Variants in APBA2 observed in about 807,000 individuals in gnomAD.
APBA2 encodes amyloid beta precursor protein binding family A member 2.
Under a neutral mutation model 75.0 loss-of-function variants are expected in APBA2, and 30 were observed. The ratio of observed to expected loss-of-function variants is 0.40; its 90% CI spans 0.30 to 0.54. APBA2 has a LOEUF of 0.54. Ranked by LOEUF, APBA2 falls within the 20% of genes least tolerant of loss-of-function variation. The pLI is 0.49. For synonymous variants in APBA2, 444 were observed against 409.6 expected (o/e 1.08, Z -1.01); for missense variants, 801 against 1,016.1 (o/e 0.79, Z 2.88).
chr15:28,900,612 C>T (rs752539300), intron 1 of APBA2, among the ~76,000 whole-genome samples: 1 of 152,138 alleles, frequency 6.6e-6, no homozygotes, highest in African/African-American at 2.4e-5. Context: ...TTGCTGTGCC[C>T]TTTGTTGCTG....
chr15:29,089,941 T>C (rs1256611132), intron 6 of APBA2, among the ~76,000 whole-genome samples: 1 of 152,132 alleles, frequency 6.6e-6, no homozygotes, highest in African/African-American at 2.4e-5. Flanking sequence ...TACCCAAACA[T>C]GTAGGGCTAG....
intron 14 of APBA2, among the ~76,000 whole-genome samples, chr15:29,115,424 G>A (rs2045035157): frequency 6.6e-6 from 1 of 152,078 alleles, no homozygotes; most frequent in Non-Finnish European, 1.5e-5. Context: ...GGGGCCAGGC[G>A]GACACCAGCC....
Position 29,084,363 on chromosome 15 carries a change from C to G in APBA2, c.1069+8272C>G, listed in dbSNP as rs887449378. On this transcript the variant is annotated intron_variant, in intron 6 of 14. Transcript: ENST00000683413. ...TAAAAATAACACCTTTTTGAAAGAT[C>G]TATGCTTTTAATTTTGTCATAAAAA... Among the ~76,000 whole-genome samples the G allele has an allele frequency of 4.6e-5, 7 of 152,204 alleles. No homozygotes were observed. In the East Asian group the frequency reaches 1.4e-3, roughly 29 times the overall value.
chr15:29,015,108 T>C (rs2039594297), intron 3 of APBA2, among the ~76,000 whole-genome samples: 1 of 152,178 alleles, frequency 6.6e-6, no homozygotes, highest in Non-Finnish European at 1.5e-5. Flanking sequence ...GCTTTCTGTC[T>C]TGCTGATGTT....
intron 4 of APBA2, among the ~76,000 whole-genome samples, chr15:29,074,488 G>T (rs969607921): frequency 1.3e-5 from 2 of 152,186 alleles, no homozygotes; most frequent in Non-Finnish European, 2.9e-5. Flanking sequence ...GGTTGGCAGG[G>T]GCTCAGGTTG....
At chr15:28,952,400 C>T (rs75792935) in intron 2 of APBA2, among the ~76,000 whole-genome samples, 3,863 of 151,984 alleles carry the variant, frequency 0.025, 157 homozygotes, top group African/African-American at 0.089. Context: ...GGTGTGGTGA[C>T]GCGCACCAGT....
chr15:29,089,747 C>T (rs1302043797), intron 6 of APBA2, among the ~76,000 whole-genome samples: 1 of 152,174 alleles, frequency 6.6e-6, no homozygotes, highest in East Asian at 1.9e-4. Context: ...TATTCTTCTC[C>T]AGACTGTGCA....
intron 6 of APBA2, among the ~76,000 whole-genome samples, chr15:29,089,056 CCCTT>C (rs1283314055): frequency 6.6e-6 from 1 of 152,222 alleles, no homozygotes; most frequent in Non-Finnish European, 1.5e-5. Context: ...GCCTCCCTGT[CCCTT>C]CCTTCCCAGG....
intron 3 of APBA2, among the ~76,000 whole-genome samples, chr15:29,024,818 G>A (rs2040133968): frequency 6.6e-6 from 1 of 152,162 alleles, no homozygotes; most frequent in Admixed American, 6.5e-5. Context: ...CTAGAGGGTA[G>A]GGGCTGCATG....
chr15:29,105,172 G>A (rs1035239006), intron 10 of APBA2, among the ~76,000 whole-genome samples: 47 of 152,340 alleles, frequency 3.1e-4, no homozygotes, highest in African/African-American at 9.9e-4. Context: ...ACTGGGGTTC[G>A]CTCACGGTGG....
intron 4 of APBA2, among the ~76,000 whole-genome samples, chr15:29,073,412 G>A (rs905663261): frequency 6.6e-6 from 1 of 152,138 alleles, no homozygotes; most frequent in Non-Finnish European, 1.5e-5. Flanking sequence ...GTGCAATGGC[G>A]CCATCTCAGC....
chr15:29,080,275 A>C (rs1401230363), intron 6 of APBA2, among the ~76,000 whole-genome samples: 1 of 152,222 alleles, frequency 6.6e-6, no homozygotes, highest in African/African-American at 2.4e-5. Flanking sequence ...TGGCAGAGTT[A>C]GGATTCGAAC....
rs371381363 is a variant in APBA2 at position 29,113,845 on chromosome 15, C to T, written c.2038-31C>T. The T allele has an allele frequency of 3.8e-6, 6 of 1,586,154 alleles. No individual in the cohort carries two copies. In the African/African-American group the frequency reaches 5.4e-5, roughly 14 times the overall value. On this transcript the variant is annotated intron_variant, in intron 13 of 14. Transcript: ENST00000683413. Reference sequence around the variant, plus strand: ...GAGCGCCTGTCGGGTGTGGCGGGAACACGTGTGCTGACCTGGCCATGTCTG... The same window carrying T: ...GAGCGCCTGTCGGGTGTGGCGGGAATACGTGTGCTGACCTGGCCATGTCTG...
At chr15:28,929,394 C>T (rs546763234) in intron 2 of APBA2, among the ~76,000 whole-genome samples, 2 of 152,260 alleles carry the variant, frequency 1.3e-5, no homozygotes, top group Admixed American at 1.3e-4. Context: ...AGTGAATTTG[C>T]GACACACATG....
intron 2 of APBA2, among the ~76,000 whole-genome samples, chr15:28,965,880 C>T (rs2036711034): frequency 6.6e-6 from 1 of 152,174 alleles, no homozygotes; most frequent in Non-Finnish European, 1.5e-5. Context: ...CTGCATCCTA[C>T]CAACTTGGTA....
chr15:28,974,919 A>T (rs887315676), intron 2 of APBA2, among the ~76,000 whole-genome samples: 3 of 152,158 alleles, frequency 2.0e-5, no homozygotes, highest in African/African-American at 7.2e-5. Flanking sequence ...CATGAGTTTT[A>T]GGAATGAGAA....
chr15:28,928,509 C>T (rs931074498), intron 2 of APBA2, among the ~76,000 whole-genome samples: 1 of 152,134 alleles, frequency 6.6e-6, no homozygotes, highest in Non-Finnish European at 1.5e-5. Context: ...CTTCTGATTA[C>T]ATCTCAGTCT....
Position 28,888,134 on chromosome 15 carries a change from T to A in APBA2, c.-205+1856T>A, listed in dbSNP as rs2031879971. 2.0e-5 allele frequency among the ~76,000 whole-genome samples: 3 copies of A among 152,224 alleles called. No homozygotes were observed. The South Asian group carries it at 6.2e-4, about 32-fold the overall frequency. On this transcript the variant is annotated intron_variant, in intron 1 of 14. Transcript: ENST00000683413. ...TGTTTACAAAACCTTTTTAAGTAGT[T>A]CTAACCTCTTTTTTTCAACAAAATG...
chr15:29,112,474 G>T (rs1350808010), intron 13 of APBA2, among the ~76,000 whole-genome samples: 3 of 152,188 alleles, frequency 2.0e-5, no homozygotes, highest in South Asian at 2.1e-4. Flanking sequence ...ACGCATGTGT[G>T]TTTGGGACAG....
Sources: allele counts gnomAD v4.1 joint callset (sites outside exome capture counted in the v4.1 genomes callset), GRCh38; gene constraint gnomAD v4.1.1; transcripts MANE v1.5; gene names NCBI Gene and HGNC (gene_info 2026-07-23, HGNC 2026-07-21).